Variants in NOTCH1 observed in about 807,000 individuals in gnomAD.
NOTCH1 encodes neurogenic locus notch homolog protein 1.
In NOTCH1, 37 loss-of-function variants were observed where a neutral mutation model predicts 254.8. The observed-to-expected ratio is 0.15, with a 90% CI of 0.11 to 0.19. The LOEUF is 0.19. NOTCH1 is among the 10% of genes least tolerant of loss of function. The pLI, the probability that NOTCH1 is intolerant of heterozygous loss-of-function variation, is 1.00. For missense variants in NOTCH1, 2,972 were observed against 3,708.6 expected (o/e 0.80, Z 5.16); for synonymous variants, 1,731 against 1,618.1 (o/e 1.07, Z -1.68).
At chr9:136,500,406 C>A (rs74664694) in intron 31 of NOTCH1, 146 bp downstream of exon 31, 1 of 999,902 alleles carries the variant, frequency 1.0e-6, no homozygotes, top group Admixed American at 2.0e-5. Flanking sequence ...TCGCTGACTG[C>A]GAAGGTCCCA....
chr9:136,498,096 G>A (rs1842944887), intron 33 of NOTCH1, among the ~76,000 whole-genome samples: 1 of 152,202 alleles, frequency 6.6e-6, no homozygotes, highest in Non-Finnish European at 1.5e-5. Context: ...TGCCCTCTGG[G>A]GCCCAGTCTC....
intron 19 of NOTCH1, 44 bp from the exon 20 acceptor site, chr9:136,508,429 T>C (rs1843124494): frequency 2.5e-6 from 4 of 1,612,096 alleles, no homozygotes; most frequent in South Asian, 1.1e-5. Context: ...GCCCCGGCCA[T>C]TTCCCCGGTA....
Position 136,510,909 on chromosome 9 carries a change from A to G in NOTCH1, c.2588-104T>C, listed in dbSNP as rs3125002. ...ACAGTGCCTCTCCCGACCCAGGAGT[A>G]GGCTTCCGTGACCCCAGGACCATCC... On this transcript the variant is annotated intron_variant, in intron 16 of 33. Transcript: ENST00000651671. 0.53 allele frequency: 799,499 copies of G among 1,509,640 alleles called. 221,703 individuals are homozygous for G. Among genetic ancestry groups the G allele is most frequent in the African/African-American group, 0.88 (64,141 of 72,930 alleles). 93.5% of individuals were successfully genotyped at this position (1,509,640 alleles called of 1,614,324 possible).
In NOTCH1 at chr9:136,515,473, G is replaced by C. The variant is rs375704312; in HGVS notation, c.1903+10C>G. 41 of 1,611,518 alleles carry C rather than the reference G, an allele frequency of 2.5e-5. No individual in the cohort carries two copies. Among genetic ancestry groups the C allele is most frequent in the Non-Finnish European group, 3.3e-5 (39 of 1,179,518 alleles). ...CTGGCCCCCCGCCGGCCACCCGCCT[G>C]GCCGGCCACCTGTGGTCCCCTTCAG... On this transcript the variant is annotated intron_variant, in intron 11 of 33. Transcript: ENST00000651671.
chr9:136,511,316 G>A (rs2133355251), intron 15 of NOTCH1, 45 bp from the exon 16 acceptor site: 3 of 1,576,724 alleles, frequency 1.9e-6, no homozygotes, highest in Non-Finnish European at 1.7e-6. Flanking sequence ...TCACCCAGAG[G>A]GATCTCCCAA....
chr9:136,527,808 T>A (rs1843489354), intron 2 of NOTCH1, among the ~76,000 whole-genome samples: 1 of 152,108 alleles, frequency 6.6e-6, no homozygotes, highest in Non-Finnish European at 1.5e-5. Context: ...CCCCCGCAGG[T>A]GAGCGGCGGG....
intron 4 of NOTCH1, among the ~76,000 whole-genome samples, chr9:136,520,162 T>C (rs1334061830): frequency 2.0e-5 from 3 of 152,062 alleles, no homozygotes; most frequent in Admixed American, 6.5e-5. Context: ...GGCAGCCAGT[T>C]AGCTATTAAT....
In NOTCH1 at chr9:136,504,523, G is replaced by A. The variant is rs907039976; in HGVS notation, c.5018+150C>T. On this transcript the variant is annotated intron_variant, in intron 26 of 33. Coordinates refer to ENST00000651671, the MANE Select transcript of NOTCH1 (RefSeq NM_017617.5). ...ACTCCTTGCCTGCGCAGGCCCTGAA[G>A]TCCCAGGTCCTCTCGGAACCTCCGT... 6.1e-5 allele frequency: 53 copies of A among 867,156 alleles called. No individual in the cohort carries two copies. The South Asian group carries it at 9.1e-4, about 15-fold the overall frequency. 53.7% of individuals were successfully genotyped at this position (867,156 alleles called of 1,614,324 possible).
rs545337506 is a variant in NOTCH1, at chr9:136,502,848, TTCTC to T, written c.5167+330_5167+333del. On this transcript the variant is annotated intron_variant, in intron 27 of 33. Coordinates refer to ENST00000651671, the MANE Select transcript of NOTCH1 (RefSeq NM_017617.5). ...CACTTCACATGACACCGATCAATTCTTCTCTCTCTCTCTTTTTTTTTCTTTAAAA... is the reference window on the plus strand; with the variant it reads ...CACTTCACATGACACCGATCAATTCTTCTCTCTCTTTTTTTTTCTTTAAAA... The T allele has an allele frequency of 4.9e-3, 2,832 of 580,064 alleles. 34 individuals are homozygous for T. The Middle Eastern group carries it at 0.067, about 14-fold the overall frequency. The allele number at this position is 580,064 out of a possible 1,614,324, so 35.9% of individuals were successfully genotyped here. A position where few individuals can be genotyped will look rare whatever the true frequency, so the allele number is the denominator to read the frequency against.
chr9:136,537,444 C>T (rs1026643449), intron 2 of NOTCH1, among the ~76,000 whole-genome samples: 6 of 152,148 alleles, frequency 3.9e-5, no homozygotes, highest in Admixed American at 1.3e-4. Flanking sequence ...TTAGTGGTTG[C>T]CAGGGGCTGG....
chr9:136,507,068 G>A, intron 22 of NOTCH1, 95 bp from the exon 23 acceptor site: 2 of 1,536,148 alleles, frequency 1.3e-6, no homozygotes, highest in East Asian at 2.4e-5. Flanking sequence ...TCAGGTCTGG[G>A]GCTGCACGGA....
rs754256909 is a variant in NOTCH1, at chr9:136,521,703, C to T, written c.742+1147G>A. Among the ~76,000 whole-genome samples the T allele has an allele frequency of 4.6e-5, 7 of 152,232 alleles. No individual in the cohort carries two copies. The East Asian group carries it at 5.8e-4, about 13-fold the overall frequency. ...CCAGGGAGTGTCTGTCCCCACCCCA[C>T]GCTCGCCCAGTGACTTGCAGGAAAC... is the stretch of plus-strand genomic sequence containing the variant. On this transcript the variant is annotated intron_variant, in intron 4 of 33. Coordinates refer to ENST00000651671, the MANE Select transcript of NOTCH1 (RefSeq NM_017617.5).
At chr9:136,521,910 C>G (rs968051540) in intron 4 of NOTCH1, among the ~76,000 whole-genome samples, 8 of 152,312 alleles carry the variant, frequency 5.3e-5, no homozygotes, top group Middle Eastern at 3.4e-3. Context: ...CCTGAATGCC[C>G]TCTCCCCATT....
chr9:136,511,394 G>A, intron 15 of NOTCH1, 123 bp from the exon 16 acceptor site: 1 of 1,298,694 alleles, frequency 7.7e-7, no homozygotes, highest in Non-Finnish European at 1.1e-6. Flanking sequence ...GGAGGCAAAT[G>A]TGCACCGAGA....
chr9:136,521,185 A>G (rs1051490483), intron 4 of NOTCH1, among the ~76,000 whole-genome samples: 3 of 152,020 alleles, frequency 2.0e-5, no homozygotes, highest in Non-Finnish European at 2.9e-5. Flanking sequence ...GGCAGGCCTG[A>G]GTCATTTGGG....
At chr9:136,543,957 G>T in intron 2 of NOTCH1, 67 bp downstream of exon 2, 1 of 1,412,862 alleles carries the variant, frequency 7.1e-7, no homozygotes. Context: ...TCTGTCCCCT[G>T]CGCGGCTGCA....
At chr9:136,529,596 A>C (rs1188206949) in intron 2 of NOTCH1, among the ~76,000 whole-genome samples, 1 of 152,190 alleles carries the variant, frequency 6.6e-6, no homozygotes, top group Admixed American at 6.5e-5. Flanking sequence ...GGCCTCCCCA[A>C]ATCCCCCAGA....
At position 136,517,810 on chromosome 9, in the gene NOTCH1, G is replaced by A. The variant is rs770428039; in HGVS notation, c.1383C>T (p.Cys461=). The A allele has an allele frequency of 6.2e-7, 1 of 1,612,628 alleles. No individual in the cohort carries two copies. The highest frequency in any genetic ancestry group is 1.3e-5 in the African/African-American group (1 of 74,920). ...IDVNECVSNP[C]QNDATCLDQI... ...GGTCCAGGCAGGTGGCGTCGTTCTG[G>A]CACGGGTTCGAGACGCACTCGTTGA... Residue 461 remains cysteine, a synonymous_variant, in exon 8 of 34, where the codon TGC becomes TGT. Transcript: ENST00000651671.
chr9:136,526,108 C>T (rs955371796), intron 2 of NOTCH1, among the ~76,000 whole-genome samples: 2 of 152,232 alleles, frequency 1.3e-5, no homozygotes, highest in African/African-American at 4.8e-5. Flanking sequence ...TCCGGGGCTG[C>T]AGCGACAGAC....
Sources: gnomAD v4.1 joint callset for allele counts (sites outside exome capture counted in the v4.1 genomes callset) on GRCh38, gnomAD v4.1.1 for gene constraint, MANE v1.5 for transcripts, NCBI Gene and HGNC (gene_info 2026-07-23, HGNC 2026-07-21) for gene names.